The following COL6A2 variants were observed in gnomAD, a reference collection of about 807,000 sequenced individuals.
COL6A2 encodes collagen type VI alpha 2 chain.
In COL6A2, 90 loss-of-function variants were observed where a neutral mutation model predicts 124.9. That is an observed-to-expected ratio of 0.72 (90% CI 0.61 to 0.86). COL6A2 has a LOEUF of 0.86. Among genes scored for constraint, COL6A2 ranks in the 40% least tolerant of loss-of-function variants. COL6A2 has a pLI of 0.00. For missense variants in COL6A2, 1,607 were observed against 1,502.5 expected (o/e 1.07, Z -1.15); for synonymous variants, 793 against 618.2 (o/e 1.28, Z -4.19).
Position 46,117,379 on chromosome 21 carries a change from TCCTGCCC to T in COL6A2, c.1000-17_1000-11del, listed in dbSNP as rs1389271414. 1 of 1,611,656 alleles carries T rather than the reference TCCTGCCC, an allele frequency of 6.2e-7. No homozygotes were observed. The highest frequency in any genetic ancestry group is 8.5e-7 in the Non-Finnish European group (1 of 1,179,446). ...CCCCAGAACCCCGCCCTGAGACTCC[TCCTGCCC>T]CCTTCTCCTTCAGGGCAAGCTGGGG... On this transcript the variant is annotated splice_polypyrimidine_tract_variant and intron_variant, in intron 10 of 27. Coordinates refer to ENST00000300527, the MANE Select transcript of COL6A2 (RefSeq NM_001849.4).
chr21:46,117,412 C>T lies in COL6A2; in HGVS notation c.1012C>T (p.Arg338Cys), dbSNP rs775751831. ...GTDGQKGKLG[R>C]IGPPGCKGDP... ...CCTTCTCCTTCAGGGCAAGCTGGGG[C>T]GCATCGGACCTCCTGGCTGCAAGGG... The change falls in exon 11 of 28, where the codon CGC becomes TGC. Residue 338 changes from arginine (R) to cysteine (C), a missense_variant. Coordinates refer to ENST00000300527, the MANE Select transcript of COL6A2 (RefSeq NM_001849.4). 130 of 1,612,676 alleles carry T rather than the reference C, an allele frequency of 8.1e-5. No individual in the cohort carries two copies. Among genetic ancestry groups the T allele is most frequent in the South Asian group, 7.8e-4 (71 of 91,068 alleles).
In COL6A2 at chr21:46,124,627, C is replaced by G. The variant is rs3746995; in HGVS notation, c.1672-24C>G. Reference sequence around the variant, plus strand: ...GGACTGTCCCTGGGGCCACTGAAGCCCACCTGTTCTTGTTCCTTCTCAGGC... The same window carrying G: ...GGACTGTCCCTGGGGCCACTGAAGCGCACCTGTTCTTGTTCCTTCTCAGGC... On this transcript the variant is annotated intron_variant, in intron 21 of 27. Coordinates refer to ENST00000300527, the MANE Select transcript of COL6A2 (RefSeq NM_001849.4). 780,826 of 1,610,766 alleles carry G rather than the reference C, an allele frequency of 0.48. 195,012 individuals are homozygous for G. The highest frequency in any genetic ancestry group is 0.63 in the Admixed American group (37,668 of 59,984).
chr21:46,123,802 TAGTG>T (rs1388378325), intron 21 of COL6A2, among the ~76,000 whole-genome samples: 2 of 122,038 alleles, frequency 1.6e-5, no homozygotes, highest in South Asian at 2.6e-4. Context: ...ATGGATGGGT[TAGTG>T]GGTGGGTGGA....
chr21:46,117,763 G>C (rs2078495795), intron 11 of COL6A2, 111 bp from the exon 12 acceptor site: 1 of 1,128,230 alleles, frequency 8.9e-7, no homozygotes, highest in East Asian at 2.5e-5. Context: ...GGGCCTCACA[G>C]TGAGGGTGGG....
Position 46,124,901 on chromosome 21 carries a change from C to T in COL6A2, c.1751C>T (p.Pro584Leu). The change falls in exon 23 of 28, where the codon CCT (proline) becomes CTT (leucine). Residue 584 changes from proline (P) to leucine (L), a missense_variant. Physicochemically the swap from Pro to Leu is moderately conservative, Grantham distance 98. This residue lies in a region of COL6A2 where 1,223 missense variants were observed against 1,052.2 expected (regional missense o/e 1.16). Coordinates refer to ENST00000300527, the MANE Select transcript of COL6A2 (RefSeq NM_001849.4). ...CTTCCCCAGGGTGAGCCCGGCCCCC[C>T]TGGAGACCCCGGTCTCACGGTAGGT... The part of the protein sequence containing the change: ...VPGPEGEPGP[P>L]GDPGLTECDV... The T allele has an allele frequency of 1.9e-6, 3 of 1,612,946 alleles. No homozygotes were observed.
At chr21:46,119,294 G>A (rs2078524561) in intron 14 of COL6A2, among the ~76,000 whole-genome samples, 175 bp downstream of exon 14, 1 of 152,184 alleles carries the variant, frequency 6.6e-6, no homozygotes, top group South Asian at 2.1e-4. Flanking sequence ...GGACCCCCCA[G>A]AGCTGGACTT....
chr21:46,110,823 G>A (rs2078388389), intron 1 of COL6A2, among the ~76,000 whole-genome samples: 1 of 152,282 alleles, frequency 6.6e-6, no homozygotes, highest in Admixed American at 6.5e-5. Context: ...TGGAGCTTAG[G>A]CCAAGCCACA....
chr21:46,122,252 T>C lies in COL6A2; in HGVS notation c.1572+94T>C, dbSNP rs567012876. On this transcript the variant is annotated intron_variant, in intron 19 of 27. Transcript: ENST00000300527. ...CTAGTAGTTCCCTCAAGGCCTCCTCTGTGCAGAAGAAAGTGTGAGGTCCCT... is the reference window on the plus strand; with the variant it reads ...CTAGTAGTTCCCTCAAGGCCTCCTCCGTGCAGAAGAAAGTGTGAGGTCCCT... The C allele has an allele frequency of 2.8e-6, 4 of 1,432,734 alleles. No individual in the cohort carries two copies. In the Admixed American group the frequency reaches 7.5e-5, roughly 27 times the overall value. 88.8% of individuals were successfully genotyped at this position (1,432,734 alleles called of 1,614,324 possible). A position where few individuals can be genotyped will look rare whatever the true frequency, so the allele number is the denominator to read the frequency against.
chr21:46,122,220 A>G, intron 19 of COL6A2, 62 bp downstream of exon 19: 1 of 1,575,166 alleles, frequency 6.3e-7, no homozygotes, highest in South Asian at 1.1e-5. Context: ...AAGGGCCCTG[A>G]AGATTCCTAG....
At chr21:46,121,234 C>T in intron 17 of COL6A2, 111 bp downstream of exon 17, 1 of 1,084,458 alleles carries the variant, frequency 9.2e-7, no homozygotes, top group Non-Finnish European at 1.4e-6. Context: ...ACCCAGGCAG[C>T]AGAGCCTGGC....
Position 46,132,840 on chromosome 21 carries a change from T to C in COL6A2, c.*288T>C. The C allele has an allele frequency of 1.9e-6, 1 of 515,230 alleles. No individual in the cohort carries two copies. Among genetic ancestry groups the C allele is most frequent in the Non-Finnish European group, 3.5e-6 (1 of 283,290 alleles). 31.9% of individuals were successfully genotyped at this position (515,230 alleles called of 1,614,324 possible). Reference sequence around the variant, plus strand: ...AGCAAGCCCTGACCCAATAAAGGCTTTGAACCCATTGCGTGCCTGCTTGCG... The same window carrying C: ...AGCAAGCCCTGACCCAATAAAGGCTCTGAACCCATTGCGTGCCTGCTTGCG... On this transcript the variant is annotated 3_prime_UTR_variant, in exon 28 of 28. Coordinates refer to ENST00000300527, the MANE Select transcript of COL6A2 (RefSeq NM_001849.4).
intron 5 of COL6A2, among the ~76,000 whole-genome samples, chr21:46,114,424 C>CAA (rs751941293): frequency 3.2e-4 from 31 of 96,622 alleles, no homozygotes; most frequent in Admixed American, 8.0e-4. Flanking sequence ...GACTCTGTCT[C>CAA]AAAAAAAAAA....
intron 27 of COL6A2, chr21:46,129,516 C>G: frequency 6.5e-7 from 1 of 1,530,362 alleles, no homozygotes; most frequent in Non-Finnish European, 8.8e-7. Context: ...CCCAGCCGGG[C>G]TGGGCCCTCC....
rs778821266 is a variant in COL6A2, at chr21:46,112,120, A to G, written c.257A>G (p.Tyr86Cys). The part of the protein sequence containing the change: ...QFISQLQNEF[Y>C]LDQVALSWRY... ...ATCAGCCAGCTGCAGAACGAGTTCTACCTGGACCAGGTGGCGCTGAGCTGG... is the reference window on the plus strand; with the variant it reads ...ATCAGCCAGCTGCAGAACGAGTTCTGCCTGGACCAGGTGGCGCTGAGCTGG... Residue 86 changes from tyrosine (Y) to cysteine (C), a missense_variant, in exon 3 of 28, where the codon TAC (tyrosine) becomes TGC (cysteine). By Grantham distance (194) the Tyr-to-Cys change is radical. This residue lies in a region of COL6A2 where 342 missense variants were observed against 381.5 expected (regional missense o/e 0.90). Transcript: ENST00000300527. 1 of 1,613,186 alleles carries G rather than the reference A, an allele frequency of 6.2e-7. No individual in the cohort carries two copies. The highest frequency in any genetic ancestry group is 1.3e-5 in the African/African-American group (1 of 75,034).
In COL6A2 at chr21:46,122,059, C is replaced by T. The variant is rs758384233; in HGVS notation, c.1522-49C>T. ...CGCCCTGTTGAGCACAGCCCCCCAGCCCCACCCCGTCCTATGACCATGCTG... is the reference window on the plus strand; with the variant it reads ...CGCCCTGTTGAGCACAGCCCCCCAGTCCCACCCCGTCCTATGACCATGCTG... On this transcript the variant is annotated intron_variant, in intron 18 of 27. Coordinates refer to ENST00000300527, the MANE Select transcript of COL6A2 (RefSeq NM_001849.4). The T allele has an allele frequency of 5.6e-6, 9 of 1,599,740 alleles. No homozygotes were observed. In the South Asian group the frequency reaches 1.0e-4, roughly 18 times the overall value.
intron 21 of COL6A2, among the ~76,000 whole-genome samples, chr21:46,124,281 ATGGATGGG>A (rs2078624466): frequency 6.6e-6 from 1 of 151,332 alleles, no homozygotes; most frequent in African/African-American, 2.4e-5. Context: ...GGGTGGATAG[ATGGATGGG>A]TGATTGGGCG....
At chr21:46,129,531 C>T (rs763994646) in intron 27 of COL6A2, 2 of 1,519,164 alleles carry the variant, frequency 1.3e-6, no homozygotes, top group Non-Finnish European at 1.8e-6. Flanking sequence ...CCCTCCCTGC[C>T]ACACTAGCTT....
rs1568938716 is a variant in COL6A2, at chr21:46,124,908, C to A, written c.1758C>A (p.Asp586Glu). The change falls in exon 23 of 28, where the codon GAC becomes GAA. Residue 586 changes from aspartate to glutamate, a missense_variant. Asp to Glu is a conservative substitution (Grantham distance 45). Coordinates refer to ENST00000300527, the MANE Select transcript of COL6A2 (RefSeq NM_001849.4). The stretch of plus-strand genomic sequence containing the variant: ...AGGGTGAGCCCGGCCCCCCTGGAGA[C>A]CCCGGTCTCACGGTAGGTGTCACAT... The part of the protein sequence containing the change: ...GPEGEPGPPG[D>E]PGLTECDVMT... 2 of 1,612,910 alleles carry A rather than the reference C, an allele frequency of 1.2e-6. No individual in the cohort carries two copies. The highest frequency in any genetic ancestry group is 2.7e-5 in the African/African-American group (2 of 75,060).
chr21:46,128,212 C>T (rs954997899), intron 27 of COL6A2, among the ~76,000 whole-genome samples: 4 of 152,164 alleles, frequency 2.6e-5, no homozygotes, highest in Non-Finnish European at 4.4e-5. Context: ...ACACGGAGGC[C>T]CTTGAAGCTC....
Sources: allele counts gnomAD v4.1 joint callset (sites outside exome capture counted in the v4.1 genomes callset), GRCh38; gene constraint gnomAD v4.1.1; regional missense constraint gnomAD v4.1.1; transcripts MANE v1.5; gene names NCBI Gene and HGNC (gene_info 2026-07-23, HGNC 2026-07-21).